The following CD2AP variants were observed in gnomAD, a reference collection of about 807,000 sequenced individuals.
CD2AP encodes CD2 associated protein, also known as CD2-associated protein.
Under a neutral mutation model 85.1 loss-of-function variants are expected in CD2AP, and 46 were observed. The ratio of observed to expected loss-of-function variants is 0.54; its 90% confidence interval spans 0.43 to 0.69. The LOEUF (loss-of-function observed/expected upper bound fraction) is 0.69, where lower values mean the gene tolerates loss of function less well. Among genes scored for constraint, CD2AP ranks in the 30% least tolerant of loss-of-function variants. The pLI is 0.00. For missense variants in CD2AP, 769 were observed against 729.5 expected (o/e 1.05, Z -0.62); for synonymous variants, 255 against 252.9 (o/e 1.01, Z -0.08).
intron 11 of CD2AP, among the ~76,000 whole-genome samples, chr6:47,588,857 G>C (rs1768699281): frequency 6.6e-6 from 1 of 152,078 alleles, no homozygotes; most frequent in South Asian, 2.1e-4. Flanking sequence ...TAGAATGTAA[G>C]TCCTTTCAGT....
chr6:47,600,673 C>T (rs1177354713), intron 13 of CD2AP, among the ~76,000 whole-genome samples: 1 of 151,776 alleles, frequency 6.6e-6, no homozygotes, highest in East Asian at 1.9e-4. Context: ...GAAAATTATC[C>T]TTATTAATTG....
intron 1 of CD2AP, among the ~76,000 whole-genome samples, chr6:47,482,098 T>C (rs986371954): frequency 1.3e-5 from 2 of 152,228 alleles, no homozygotes; most frequent in Non-Finnish European, 2.9e-5. Flanking sequence ...TAGTTGCAAA[T>C]GGAAATTGCA....
At chr6:47,543,179 GA>G (rs1301537174) in intron 3 of CD2AP, among the ~76,000 whole-genome samples, 5 of 127,358 alleles carry the variant, frequency 3.9e-5, no homozygotes, top group Admixed American at 7.7e-5. Context: ...AAAAGAAAAA[GA>G]AAAAAGAAAA....
chr6:47,601,778 A>G (rs1438811632), intron 13 of CD2AP, among the ~76,000 whole-genome samples: 1 of 152,040 alleles, frequency 6.6e-6, no homozygotes, highest in Admixed American at 6.6e-5. Context: ...TAGAAAGTTG[A>G]AAACATACAT....
In CD2AP at chr6:47,485,876, A is replaced by G. The variant is rs1461047842; in HGVS notation, c.4+7628A>G. Among the ~76,000 whole-genome samples the G allele has an allele frequency of 3.3e-5, 5 of 152,212 alleles. No individual in the cohort carries two copies. The East Asian group carries it at 9.6e-4, about 29-fold the overall frequency. The stretch of plus-strand genomic sequence containing the variant: ...CTGTACAGTTTTGTAGCCTAGGAGC[A>G]ATAGGCTATACCCTATAGCTTAGGC... On this transcript the variant is annotated intron_variant, in intron 1 of 17. Transcript: ENST00000359314.
At chr6:47,478,509 AT>A (rs1258448694) in intron 1 of CD2AP, among the ~76,000 whole-genome samples, 1 of 135,818 alleles carries the variant, frequency 7.4e-6, no homozygotes, top group East Asian at 2.8e-4. Context: ...AAGGTGCGGG[AT>A]GGGGGGCGGG....
chr6:47,525,669 C>A (rs1042964077), intron 2 of CD2AP, among the ~76,000 whole-genome samples: 2 of 152,106 alleles, frequency 1.3e-5, no homozygotes, highest in African/African-American at 4.8e-5. Flanking sequence ...AATTATGTAT[C>A]TTTGATTACC....
At chr6:47,519,776 T>C (rs1411341179) in intron 2 of CD2AP, among the ~76,000 whole-genome samples, 1 of 152,194 alleles carries the variant, frequency 6.6e-6, no homozygotes, top group East Asian at 1.9e-4. Flanking sequence ...TTTTTTTGAA[T>C]ACCTATAATA....
intron 14 of CD2AP, among the ~76,000 whole-genome samples, chr6:47,607,429 G>C (rs901505339): frequency 1.3e-5 from 2 of 151,962 alleles, no homozygotes; most frequent in African/African-American, 4.8e-5. Context: ...AACAGTGTAC[G>C]AGGGTTCCCT....
At chr6:47,505,405 T>C (rs933241146) in intron 2 of CD2AP, among the ~76,000 whole-genome samples, 7 of 150,318 alleles carry the variant, frequency 4.7e-5, no homozygotes, top group African/African-American at 1.7e-4. Flanking sequence ...CAGAACAAAA[T>C]GAAAAGTCTC....
At chr6:47,612,439 A>G (rs1237056075) in intron 16 of CD2AP, 34 bp from the exon 17 acceptor site, 1 of 1,421,246 alleles carries the variant, frequency 7.0e-7, no homozygotes, top group Non-Finnish European at 9.9e-7. Context: ...TATTTAATCG[A>G]AAGACTTAAC....
At chr6:47,516,847 T>C (rs1766463901) in intron 2 of CD2AP, among the ~76,000 whole-genome samples, 1 of 152,204 alleles carries the variant, frequency 6.6e-6, no homozygotes, top group Non-Finnish European at 1.5e-5. Context: ...TTATTCTTTA[T>C]TAAAGTTAGA....
At chr6:47,559,458 C>T (rs1767792765) in intron 5 of CD2AP, among the ~76,000 whole-genome samples, 1 of 151,796 alleles carries the variant, frequency 6.6e-6, no homozygotes, top group Non-Finnish European at 1.5e-5. Flanking sequence ...GATGGGGCCT[C>T]ACTATGTTGA....
intron 3 of CD2AP, among the ~76,000 whole-genome samples, chr6:47,544,332 C>A (rs551889589): frequency 6.6e-6 from 1 of 152,002 alleles, no homozygotes; most frequent in South Asian, 2.1e-4. Context: ...TTTTTAGTCT[C>A]AAAAATGGTA....
At chr6:47,601,599 T>C (rs959890563) in intron 13 of CD2AP, among the ~76,000 whole-genome samples, 5 of 152,054 alleles carry the variant, frequency 3.3e-5, no homozygotes, top group African/African-American at 1.2e-4. Context: ...GTCGTAAGCA[T>C]TAATTCAGAG....
intron 5 of CD2AP, among the ~76,000 whole-genome samples, chr6:47,566,456 G>C (rs985255741): frequency 2.6e-5 from 4 of 151,756 alleles, no homozygotes; most frequent in African/African-American, 4.8e-5. Flanking sequence ...AAACACTTTT[G>C]TCAAGTGAAA....
At chr6:47,617,173 C>T (rs1769615339) in intron 17 of CD2AP, among the ~76,000 whole-genome samples, 1 of 152,044 alleles carries the variant, frequency 6.6e-6, no homozygotes, top group African/African-American at 2.4e-5. Flanking sequence ...CCATGTTGCC[C>T]AGGTTGATCT....
At chr6:47,478,955 A>T (rs1765379604) in intron 1 of CD2AP, among the ~76,000 whole-genome samples, 1 of 152,156 alleles carries the variant, frequency 6.6e-6, no homozygotes, top group South Asian at 2.1e-4. Context: ...TATGTTATTT[A>T]CTATGTGCTT....
rs550270014 is a variant in CD2AP, at chr6:47,515,760, A to G, written c.165+12320A>G. ...GAAAGATCTTAGCATTATAAAATTA[A>G]AAGTGCTTTTGATCACTTTCAGATT... On this transcript the variant is annotated intron_variant, in intron 2 of 17. Coordinates refer to ENST00000359314, the MANE Select transcript of CD2AP (RefSeq NM_012120.3). Among the ~76,000 whole-genome samples the G allele has an allele frequency of 9.8e-5, 15 of 152,312 alleles. No homozygotes were observed. The East Asian group carries it at 1.7e-3, about 18-fold the overall frequency.
Sources: gnomAD v4.1 joint callset for allele counts (sites outside exome capture counted in the v4.1 genomes callset) on GRCh38, gnomAD v4.1.1 for gene constraint, MANE v1.5 for transcripts, NCBI Gene and HGNC (gene_info 2026-07-23, HGNC 2026-07-21) for gene names.